RYR2: variants seen among roughly 807,000 people sequenced by gnomAD.
RYR2 encodes ryanodine receptor 2.
RYR2 carries 227 observed loss-of-function variants against 601.1 expected under a neutral mutation model. The observed-to-expected ratio is 0.38, with a 90% CI of 0.34 to 0.42. The LOEUF (loss-of-function observed/expected upper bound fraction) is 0.42, where lower values mean the gene tolerates loss of function less well. RYR2 is among the 10% of genes least tolerant of loss of function. The probability of loss-of-function intolerance (pLI) is 1.00; values close to 1 mark genes in which losing one functional copy is unlikely to be tolerated. For synonymous variants in RYR2, 2,223 were observed against 2,175.1 expected, an observed-to-expected ratio of 1.02 and a Z score of -0.61; for missense variants, 4,646 against 6,156.5, an observed-to-expected ratio of 0.75 and a Z score of 8.21.
At chr1:237,380,448 A>G (rs1456753572) in intron 8 of RYR2, among the ~76,000 whole-genome samples, 1 of 117,068 alleles carries the variant, frequency 8.5e-6, no homozygotes, top group Non-Finnish European at 1.8e-5. Flanking sequence ...GGTGAGTATG[A>G]ACCTGGGCTA....
At chr1:237,548,613 T>C in intron 26 of RYR2, 23 bp downstream of exon 26, 2 of 1,608,932 alleles carry the variant, frequency 1.2e-6, no homozygotes, top group Non-Finnish European at 1.7e-6. Flanking sequence ...TAGCATTTGG[T>C]CTGAGACTTA....
intron 2 of RYR2, among the ~76,000 whole-genome samples, chr1:237,282,102 A>G (rs1321527628): frequency 1.3e-5 from 2 of 151,980 alleles, no homozygotes; most frequent in Non-Finnish European, 2.9e-5. Flanking sequence ...CAGAAAGTAT[A>G]TACTTTCTGA....
At chr1:237,530,371 G>T in intron 24 of RYR2, 56 bp from the exon 25 acceptor site, 1 of 1,352,378 alleles carries the variant, frequency 7.4e-7, no homozygotes, top group Non-Finnish European at 1.0e-6. Flanking sequence ...GCTGTCTTGG[G>T]TTATTCTGGA....
intron 1 of RYR2, among the ~76,000 whole-genome samples, chr1:237,216,235 T>C (rs930111070): frequency 4.6e-5 from 7 of 152,196 alleles, no homozygotes; most frequent in African/African-American, 1.7e-4. Context: ...ATATTACATC[T>C]GCATCTCTAT....
In RYR2 at chr1:237,783,901, G is replaced by A. The variant is rs368948386; in HGVS notation, c.12189G>A (p.Thr4063=). The change falls in exon 90 of 105, where the codon ACG becomes ACA. Residue 4063 remains threonine, a synonymous_variant. Coordinates refer to ENST00000366574, the MANE Select transcript of RYR2 (RefSeq NM_001035.3). ...ATAAGCACTACACGCAGTCAGAAAC[G>A]GAATTTCTTTTGTCTTGTGCGGAGA... The part of the protein sequence containing the change: ...ESHKHYTQSE[T]EFLLSCAETD... 2.2e-5 allele frequency: 35 copies of A among 1,613,448 alleles called. No individual in the cohort carries two copies. Among genetic ancestry groups the A allele is most frequent in the African/African-American group, 4.0e-5 (3 of 74,920 alleles).
intron 101 of RYR2, among the ~76,000 whole-genome samples, chr1:237,823,840 A>C (rs1390452695): frequency 1.3e-5 from 2 of 152,160 alleles, no homozygotes; most frequent in Non-Finnish European, 2.9e-5. Context: ...AAAATTATAA[A>C]GGGGATATCA....
intron 1 of RYR2, among the ~76,000 whole-genome samples, chr1:237,092,582 T>C (rs1214407205): frequency 6.7e-6 from 1 of 149,200 alleles, no homozygotes; most frequent in Non-Finnish European, 1.5e-5. Flanking sequence ...CAGGCTGGAG[T>C]GCCGTGGTGT....
At chr1:237,596,460 T>C (rs1675905063) in intron 34 of RYR2, among the ~76,000 whole-genome samples, 1 of 151,912 alleles carries the variant, frequency 6.6e-6, no homozygotes, top group East Asian at 1.9e-4. Context: ...AAGAAAGACT[T>C]TATGAACTTG....
At chr1:237,274,273 A>T (rs1444134907) in intron 2 of RYR2, among the ~76,000 whole-genome samples, 1 of 151,520 alleles carries the variant, frequency 6.6e-6, no homozygotes, top group East Asian at 1.9e-4. Context: ...CATACCACAT[A>T]TATGACAGTG....
At chr1:237,721,779 C>G (rs1020479226) in intron 73 of RYR2, among the ~76,000 whole-genome samples, 7 of 152,178 alleles carry the variant, frequency 4.6e-5, no homozygotes, top group African/African-American at 1.2e-4. Context: ...CTTGGCCTCC[C>G]AAAGTGCTGG....
chr1:237,730,089 C>T (rs1690541443), intron 76 of RYR2, among the ~76,000 whole-genome samples, 171 bp from the exon 77 acceptor site: 3 of 152,048 alleles, frequency 2.0e-5, no homozygotes, highest in Admixed American at 2.0e-4. Flanking sequence ...AGTCACTGTG[C>T]GCTATGTTTG....
At chr1:237,551,548 A>AAAT (rs1670403238) in intron 27 of RYR2, among the ~76,000 whole-genome samples, 1 of 151,336 alleles carries the variant, frequency 6.6e-6, no homozygotes, top group Admixed American at 6.6e-5. Flanking sequence ...AAAAAAAAAA[A>AAAT]AGAATGTAGT....
chr1:237,814,309 C>G (rs1429237613), intron 100 of RYR2, among the ~76,000 whole-genome samples: 1 of 152,196 alleles, frequency 6.6e-6, no homozygotes, highest in African/African-American at 2.4e-5. Flanking sequence ...ATGATCCTTT[C>G]TTTATGACAG....
chr1:237,725,163 A>C (rs949619258), intron 74 of RYR2, among the ~76,000 whole-genome samples: 3 of 152,206 alleles, frequency 2.0e-5, no homozygotes, highest in Non-Finnish European at 4.4e-5. Context: ...GATATGAAGT[A>C]GGTAATCCCT....
intron 2 of RYR2, among the ~76,000 whole-genome samples, chr1:237,324,230 T>C (rs1695926785): frequency 6.6e-6 from 1 of 152,156 alleles, no homozygotes; most frequent in Non-Finnish European, 1.5e-5. Flanking sequence ...GGAGAATATA[T>C]AAACATTTTA....
intron 10 of RYR2, among the ~76,000 whole-genome samples, chr1:237,389,168 G>T (rs1268387510): frequency 6.6e-6 from 1 of 152,166 alleles, no homozygotes; most frequent in African/African-American, 2.4e-5. Context: ...GATGTCGATG[G>T]TGTCAGTAGG....
intron 12 of RYR2, among the ~76,000 whole-genome samples, chr1:237,436,454 C>CTTTTTTCTTTTTTTTTTTTTTTTT (rs1707370033): frequency 2.1e-5 from 1 of 48,730 alleles, no homozygotes; most frequent in Non-Finnish European, 3.5e-5. Context: ...TGTGATTTTC[C>CTTTTTTCTTTTTTTTTTTTTTTTT]TTTTTTTTTT....
At chr1:237,597,204 C>T (rs1573030188) in intron 34 of RYR2, among the ~76,000 whole-genome samples, 1 of 151,706 alleles carries the variant, frequency 6.6e-6, no homozygotes, top group Non-Finnish European at 1.5e-5. Context: ...ACTACAGCTA[C>T]AAGTAGTTGT....
intron 1 of RYR2, among the ~76,000 whole-genome samples, chr1:237,124,893 T>C (rs1382790264): frequency 6.6e-6 from 1 of 152,216 alleles, no homozygotes; most frequent in Non-Finnish European, 1.5e-5. Flanking sequence ...ATCACACATA[T>C]GTTGACTTAT....
Sources: allele counts gnomAD v4.1 joint callset (sites outside exome capture counted in the v4.1 genomes callset), GRCh38; gene constraint gnomAD v4.1.1; transcripts MANE v1.5; gene names NCBI Gene and HGNC (gene_info 2026-07-23, HGNC 2026-07-21).